Variants in TENM2 observed in about 807,000 individuals in gnomAD.
The protein encoded by TENM2 is teneurin-2.
Under a neutral mutation model 245.2 loss-of-function variants are expected in TENM2, and 52 were observed. The observed-to-expected ratio is 0.21, with a 90% CI of 0.17 to 0.27. TENM2 has a LOEUF of 0.27. Ranked by LOEUF, TENM2 falls within the 10% of genes least tolerant of loss-of-function variation. TENM2 has a pLI of 1.00. For synonymous variants in TENM2, 1,363 were observed against 1,438.9 expected (o/e 0.95, Z 1.19); for missense variants, 3,046 against 3,666.8 (o/e 0.83, Z 4.37).
the TENM2 span, among the ~76,000 whole-genome samples, chr5:167,236,491 A>G: frequency 3.2e-4 from 48 of 152,344 alleles, no homozygotes; most frequent in African/African-American, 1.0e-3. Context: ...AACAGGAAGA[A>G]AGCTGAGTGT....
At chr5:168,048,620 T>G (rs2152042412) in intron 6 of TENM2, among the ~76,000 whole-genome samples, 1 of 152,306 alleles carries the variant, frequency 6.6e-6, no homozygotes, top group South Asian at 2.1e-4. Context: ...CCTGTGCATC[T>G]TTGGGCAGGA....
intron 2 of TENM2, among the ~76,000 whole-genome samples, chr5:167,859,394 C>T (rs1453480916): frequency 7.7e-4 from 107 of 138,672 alleles, no homozygotes; most frequent in East Asian, 1.9e-3. Context: ...GGGTCAGCCC[C>T]CCGCCCGGCC....
At chr5:167,578,815 C>A (rs970627957) in intron 2 of TENM2, among the ~76,000 whole-genome samples, 2 of 152,172 alleles carry the variant, frequency 1.3e-5, no homozygotes, top group African/African-American at 4.8e-5. Context: ...ACAAGCTCAG[C>A]TGTGGAGACT....
intron 2 of TENM2, among the ~76,000 whole-genome samples, chr5:167,711,142 A>G (rs966132445): frequency 6.6e-6 from 1 of 152,202 alleles, no homozygotes; most frequent in African/African-American, 2.4e-5. Flanking sequence ...CAAAGGCAGT[A>G]TTCAAATCCA....
At chr5:167,946,049 A>G (rs572198119) in intron 3 of TENM2, among the ~76,000 whole-genome samples, 4 of 152,350 alleles carry the variant, frequency 2.6e-5, no homozygotes, top group Admixed American at 2.6e-4. Context: ...GAAGCCAGCC[A>G]TACCATATGT....
chr5:168,004,517 G>GCGCGCGCGCGCACACA (rs898616203), intron 5 of TENM2, among the ~76,000 whole-genome samples: 2 of 132,152 alleles, frequency 1.5e-5, no homozygotes, highest in African/African-American at 6.1e-5. Context: ...GCGCGCGCGC[G>GCGCGCGCGCGCACACA]CACACACACA....
chr5:167,265,895 C>T, the TENM2 span, among the ~76,000 whole-genome samples: 1 of 152,008 alleles, frequency 6.6e-6, no homozygotes, highest in Admixed American at 6.6e-5. Flanking sequence ...TGGGCTCATT[C>T]TTGTTCCAAT....
the TENM2 span, among the ~76,000 whole-genome samples, chr5:167,220,291 T>C: frequency 1.3e-5 from 2 of 152,224 alleles, no homozygotes; most frequent in African/African-American, 4.8e-5. Flanking sequence ...TTTGTGTGTT[T>C]GTTCGTTTTT....
At chr5:167,900,111 T>TAAA (rs71853736) in intron 3 of TENM2, among the ~76,000 whole-genome samples, 6,562 of 43,400 alleles carry the variant, frequency 0.15, 1,675 homozygotes, top group East Asian at 0.44. Flanking sequence ...CTCAACCCAC[T>TAAA]AAAAAAAAAA....
chr5:168,131,764 A>C (rs1054760771), intron 12 of TENM2, among the ~76,000 whole-genome samples: 1 of 152,086 alleles, frequency 6.6e-6, no homozygotes, highest in African/African-American at 2.4e-5. Flanking sequence ...GTCCTTGAAC[A>C]CTTGAGCTTT....
the TENM2 span, among the ~76,000 whole-genome samples, chr5:167,153,460 G>A: frequency 6.6e-6 from 1 of 152,064 alleles, no homozygotes; most frequent in African/African-American, 2.4e-5. Context: ...GACTCAGGAG[G>A]AGAAGGAAGA....
intron 2 of TENM2, among the ~76,000 whole-genome samples, chr5:167,801,107 A>ATAT (rs1765698273): frequency 1.6e-5 from 1 of 63,744 alleles, no homozygotes; most frequent in African/African-American, 7.0e-5. Context: ...AAAAAAAAAA[A>ATAT]AAATATATAT....
At chr5:167,940,345 A>G (rs1271844037) in intron 3 of TENM2, among the ~76,000 whole-genome samples, 1 of 152,210 alleles carries the variant, frequency 6.6e-6, no homozygotes, top group Non-Finnish European at 1.5e-5. Context: ...GGGATTCAAC[A>G]GAGAATAAAA....
intron 2 of TENM2, among the ~76,000 whole-genome samples, chr5:167,860,225 C>T (rs1348328233): frequency 1.4e-4 from 18 of 125,574 alleles, no homozygotes; most frequent in African/African-American, 3.3e-4. Context: ...CCGCCCCGTC[C>T]GGGAGGGAGG....
exon 20 of TENM2, chr5:168,211,754 G>T: frequency 7.4e-7 from 1 of 1,348,846 alleles, no homozygotes; most frequent in Non-Finnish European, 1.0e-6. Context: ...TTTAAACATA[G>T]GTAAGATGAA....
intron 2 of TENM2, among the ~76,000 whole-genome samples, chr5:167,828,328 A>T (rs1005588050): frequency 2.6e-5 from 4 of 151,054 alleles, no homozygotes; most frequent in African/African-American, 4.9e-5. Flanking sequence ...CTTTATCTAA[A>T]CTCTCCTTTC....
chr5:168,123,754 C>T (rs948948366), intron 10 of TENM2, among the ~76,000 whole-genome samples: 38 of 152,194 alleles, frequency 2.5e-4, no homozygotes, highest in African/African-American at 8.4e-4. Flanking sequence ...ATCCACAAAG[C>T]CATATCTGAG....
At chr5:167,532,515 G>A (rs1771575055) in intron 2 of TENM2, among the ~76,000 whole-genome samples, 1 of 151,828 alleles carries the variant, frequency 6.6e-6, no homozygotes, top group South Asian at 2.1e-4. Context: ...TTTGTGCAGG[G>A]GAACTCCCGT....
At chr5:167,911,976 C>G (rs942531788) in intron 3 of TENM2, among the ~76,000 whole-genome samples, 1 of 152,044 alleles carries the variant, frequency 6.6e-6, no homozygotes, top group African/African-American at 2.4e-5. Context: ...AATCAATTAA[C>G]ATATCTCTTA....
Sources: allele counts gnomAD v4.1 joint callset (sites outside exome capture counted in the v4.1 genomes callset), GRCh38; gene constraint gnomAD v4.1.1; transcripts MANE v1.5; gene names NCBI Gene and HGNC (gene_info 2026-07-23, HGNC 2026-07-21).